The following BNC2 variants were observed in gnomAD, a reference collection of about 807,000 sequenced individuals.
The protein encoded by BNC2 is basonuclin zinc finger protein 2.
Under a neutral mutation model 76.3 loss-of-function variants are expected in BNC2, and 20 were observed. That is an observed-to-expected ratio of 0.26 (90% CI 0.18 to 0.38). The LOEUF is 0.38. Ranked by LOEUF, BNC2 falls within the 10% of genes least tolerant of loss-of-function variation. BNC2 has a pLI of 1.00. For synonymous variants in BNC2, 582 were observed against 514.8 expected (o/e 1.13, Z -1.77); for missense variants, 1,382 against 1,399.8 (o/e 0.99, Z 0.20).
chr9:16,611,063 C>T (rs184878974), intron 3 of BNC2, among the ~76,000 whole-genome samples: 2 of 152,042 alleles, frequency 1.3e-5, no homozygotes, highest in East Asian at 3.9e-4. Flanking sequence ...AGCAATTATC[C>T]AGATCCTTGT....
chr9:16,539,812 AGGAAAGGAAAGGAAAGGAAG>A (rs1563831094), intron 5 of BNC2, among the ~76,000 whole-genome samples: 64 of 138,252 alleles, frequency 4.6e-4, no homozygotes, highest in East Asian at 1.6e-3. Flanking sequence ...AGGAAAGGAA[AGGAAAGGAAAGGAAAGGAAG>A]GGAAGGGAAG....
chr9:16,601,908 A>G (rs1001950333), intron 3 of BNC2, among the ~76,000 whole-genome samples: 9 of 152,158 alleles, frequency 5.9e-5, no homozygotes, highest in African/African-American at 2.2e-4. Flanking sequence ...ATGTTCTGGA[A>G]AGTACCCAGC....
intron 5 of BNC2, among the ~76,000 whole-genome samples, chr9:16,471,444 C>T (rs1244357060): frequency 6.6e-6 from 1 of 152,108 alleles, no homozygotes; most frequent in Non-Finnish European, 1.5e-5. Context: ...CAGGCATGCA[C>T]CACCATGCCC....
chr9:16,468,297 T>C (rs1163120481), intron 5 of BNC2, among the ~76,000 whole-genome samples: 1 of 152,208 alleles, frequency 6.6e-6, no homozygotes, highest in Non-Finnish European at 1.5e-5. Context: ...GAGACTCCTT[T>C]CGCTACTAGA....
chr9:16,863,521 C>T (rs1295883032), intron 1 of BNC2, among the ~76,000 whole-genome samples: 1 of 152,080 alleles, frequency 6.6e-6, no homozygotes, highest in Non-Finnish European at 1.5e-5. Flanking sequence ...ATGGTGAAAC[C>T]TTGTCCCTAC....
intron 3 of BNC2, among the ~76,000 whole-genome samples, chr9:16,678,935 T>A (rs1221980420): frequency 6.6e-6 from 1 of 152,168 alleles, no homozygotes; most frequent in African/African-American, 2.4e-5. Flanking sequence ...TTCCCTTGCT[T>A]GAGGAGTAAC....
At chr9:16,647,123 C>G (rs944039756) in intron 3 of BNC2, among the ~76,000 whole-genome samples, 2 of 152,138 alleles carry the variant, frequency 1.3e-5, no homozygotes, top group Non-Finnish European at 2.9e-5. Context: ...ACTCATATTC[C>G]TCAAGCAAAC....
At chr9:16,755,429 T>C (rs1341889210) in intron 1 of BNC2, among the ~76,000 whole-genome samples, 1 of 152,158 alleles carries the variant, frequency 6.6e-6, no homozygotes, top group Non-Finnish European at 1.5e-5. Context: ...AGCTACATTA[T>C]CCAGGAAAAG....
At chr9:16,576,455 T>A (rs1819488440) in intron 4 of BNC2, among the ~76,000 whole-genome samples, 1 of 152,154 alleles carries the variant, frequency 6.6e-6, no homozygotes, top group East Asian at 1.9e-4. Flanking sequence ...CTGGACTACT[T>A]TAGTTATGCT....
At chr9:16,760,850 A>G (rs2135380073) in intron 1 of BNC2, among the ~76,000 whole-genome samples, 1 of 152,326 alleles carries the variant, frequency 6.6e-6, no homozygotes, top group South Asian at 2.1e-4. Context: ...AAACAGGGGA[A>G]AAAATAATGA....
At chr9:16,646,592 G>A (rs1821633549) in intron 3 of BNC2, among the ~76,000 whole-genome samples, 1 of 152,166 alleles carries the variant, frequency 6.6e-6, no homozygotes, top group African/African-American at 2.4e-5. Context: ...TAGGGGAAAG[G>A]AGATTAACTG....
At chr9:16,632,589 T>G (rs1821194863) in intron 3 of BNC2, among the ~76,000 whole-genome samples, 1 of 152,314 alleles carries the variant, frequency 6.6e-6, no homozygotes, top group South Asian at 2.1e-4. Context: ...CTTAGAAAAC[T>G]TATTCTCTTG....
chr9:16,622,924 C>G (rs1258079239), intron 3 of BNC2, among the ~76,000 whole-genome samples: 1 of 152,102 alleles, frequency 6.6e-6, no homozygotes, highest in African/African-American at 2.4e-5. Context: ...CGATGAACAA[C>G]TTTATTCTCT....
intron 5 of BNC2, among the ~76,000 whole-genome samples, chr9:16,455,434 G>T (rs370205547): frequency 7.2e-5 from 11 of 152,174 alleles, no homozygotes; most frequent in East Asian, 1.9e-4. Flanking sequence ...TACACAGAGT[G>T]GGGGGAGTAG....
chr9:16,804,238 T>C (rs1028667975), intron 1 of BNC2, among the ~76,000 whole-genome samples: 3 of 152,216 alleles, frequency 2.0e-5, no homozygotes, highest in African/African-American at 7.2e-5. Context: ...TAATGCACAA[T>C]GATTAAACAC....
At chr9:16,578,020 A>T (rs909884316) in intron 4 of BNC2, among the ~76,000 whole-genome samples, 1 of 152,080 alleles carries the variant, frequency 6.6e-6, no homozygotes, top group East Asian at 1.9e-4. Context: ...CATACCTAGG[A>T]AACAGTGGAA....
chr9:16,813,516 C>T (rs1450834651), intron 1 of BNC2, among the ~76,000 whole-genome samples: 1 of 152,062 alleles, frequency 6.6e-6, no homozygotes, highest in Admixed American at 6.5e-5. Context: ...CCGCCCACCT[C>T]AGCCTCCCAA....
At chr9:16,733,860 G>C (rs557876031) in intron 2 of BNC2, among the ~76,000 whole-genome samples, 1 of 151,582 alleles carries the variant, frequency 6.6e-6, no homozygotes, top group South Asian at 2.1e-4. Context: ...CTCCAGCCTG[G>C]GCAAAAAGAG....
chr9:16,726,346 C>G (rs1824317917), intron 3 of BNC2, among the ~76,000 whole-genome samples: 1 of 152,138 alleles, frequency 6.6e-6, no homozygotes, highest in Non-Finnish European at 1.5e-5. Context: ...ATACCTTATT[C>G]AAATGCATTT....
Sources: allele counts gnomAD v4.1 joint callset (sites outside exome capture counted in the v4.1 genomes callset), GRCh38; gene constraint gnomAD v4.1.1; transcripts MANE v1.5; gene names NCBI Gene and HGNC (gene_info 2026-07-23, HGNC 2026-07-21).